The following HEPHL1 variants were observed in gnomAD, a reference collection of about 807,000 sequenced individuals.
HEPHL1 encodes ferroxidase HEPHL1.
Under a neutral mutation model 122.0 loss-of-function variants are expected in HEPHL1, and 123 were observed. The ratio of observed to expected loss-of-function variants is 1.01; its 90% CI spans 0.87 to 1.17. The LOEUF (loss-of-function observed/expected upper bound fraction) is 1.17. Ranked by LOEUF, HEPHL1 falls within the 50% of genes most tolerant of loss-of-function variation. The pLI is 0.00. For synonymous variants in HEPHL1, 527 were observed against 508.9 expected, an observed-to-expected ratio of 1.04 and a Z score of -0.48; for missense variants, 1,452 against 1,430.5, an observed-to-expected ratio of 1.01 and a Z score of -0.24.
chr11:94,085,148 C>T (rs1946206029), intron 10 of HEPHL1, among the ~76,000 whole-genome samples: 1 of 152,152 alleles, frequency 6.6e-6, no homozygotes, highest in South Asian at 2.1e-4. Flanking sequence ...ATTTACCAGT[C>T]AGACATTGCG....
intron 10 of HEPHL1, among the ~76,000 whole-genome samples, chr11:94,084,801 G>GGT (rs1191421039): frequency 6.6e-6 from 1 of 151,806 alleles, no homozygotes; most frequent in African/African-American, 2.4e-5. Context: ...CATAAAATGT[G>GGT]GTGTCCTTCT....
In HEPHL1 at chr11:94,096,095, G is replaced by GC. The variant is rs1946310078; in HGVS notation, c.2434+2457dup. On this transcript the variant is annotated intron_variant, in intron 13 of 19. Transcript: ENST00000315765. ...GTGAGAGAGGGCATCCCTGTCTTGT[G>GC]CCAGTTTTCAAAGGGAATGCTTCCA... 2.0e-5 allele frequency among the ~76,000 whole-genome samples: 3 copies of GC among 152,272 alleles called. No homozygotes were observed. In the South Asian group the frequency reaches 6.2e-4, roughly 32 times the overall value.
chr11:94,084,611 T>G (rs1946200590), intron 10 of HEPHL1, among the ~76,000 whole-genome samples: 1 of 152,162 alleles, frequency 6.6e-6, no homozygotes, highest in Admixed American at 6.5e-5. Context: ...AAAGAATGGA[T>G]GAGTGACTGT....
intron 11 of HEPHL1, 107 bp downstream of exon 11, chr11:94,086,296 T>A: frequency 1.3e-6 from 1 of 781,766 alleles, no homozygotes; most frequent in South Asian, 1.6e-5. Flanking sequence ...CTTCAAGTGG[T>A]GTAGAAATAG....
At position 94,063,728 on chromosome 11, in the gene HEPHL1, G is replaced by A. The variant is rs1243163286; in HGVS notation, c.628+8G>A. On this transcript the variant is annotated splice_region_variant and intron_variant, in intron 3 of 19. Transcript: ENST00000315765. ...TGCTGGTCTGCAAGGAAGGTAAGGA[G>A]CTTTGTTTCCAGGTAACTAGGGAGT... 6.2e-7 allele frequency: 1 copy of A among 1,611,426 alleles called. No individual in the cohort carries two copies. The highest frequency in any genetic ancestry group is 8.5e-7 in the Non-Finnish European group (1 of 1,178,146).
In HEPHL1 at chr11:94,069,843, A is replaced by AT. The variant is rs970071634; in HGVS notation, c.1064-524dup. Among the ~76,000 whole-genome samples, 39 of 152,232 alleles carry AT rather than the reference A, an allele frequency of 2.6e-4. 1 individual carries two copies. Among genetic ancestry groups the AT allele is most frequent in the Admixed American group, 2.2e-3 (34 of 15,268 alleles). Reference sequence around the variant, plus strand: ...TAGAATTTCTGGGTCAAAGAGTATGATTTTTTTAAAAAAGCTATGGACATA... The same window carrying AT: ...TAGAATTTCTGGGTCAAAGAGTATGATTTTTTTTAAAAAAGCTATGGACATA... On this transcript the variant is annotated intron_variant, in intron 5 of 19. Coordinates refer to ENST00000315765, the MANE Select transcript of HEPHL1 (RefSeq NM_001098672.2).
At chr11:94,037,234 G>A (rs1235181390) in intron 1 of HEPHL1, among the ~76,000 whole-genome samples, 14 of 152,112 alleles carry the variant, frequency 9.2e-5, no homozygotes, top group Admixed American at 2.0e-4. Flanking sequence ...ACGGAGTCTC[G>A]CTGATTGCTA....
chr11:94,075,054 A>G, intron 8 of HEPHL1, 120 bp from the exon 9 acceptor site: 2 of 763,574 alleles, frequency 2.6e-6, no homozygotes. Flanking sequence ...AGAGAAAACC[A>G]CTCTCCTGGT....
intron 12 of HEPHL1, among the ~76,000 whole-genome samples, chr11:94,091,816 G>A (rs1946265320): frequency 6.6e-6 from 1 of 152,154 alleles, no homozygotes; most frequent in Non-Finnish European, 1.5e-5. Flanking sequence ...GTTCGTGGCA[G>A]AGGGAACAAC....
intron 2 of HEPHL1, chr11:94,055,698 C>G: frequency 5.2e-6 from 2 of 384,266 alleles, no homozygotes; most frequent in Non-Finnish European, 5.1e-6. Flanking sequence ...AGACAATGCA[C>G]TCTGTGATCT....
In HEPHL1 at chr11:94,060,095, TATATATATATATATATATATATATA is replaced by T. The variant is rs1945972864; in HGVS notation, c.416-3412_416-3388del. On this transcript the variant is annotated intron_variant, in intron 2 of 19. Transcript: ENST00000315765. Reference sequence around the variant, plus strand: ...AATACCACTCAGTCATATTTTATTATATATATATATATATATATATATATATATATATATATATATATATATATAT... The same window carrying T: ...AATACCACTCAGTCATATTTTATTATTATATATATATATATATATATATAT... 1.7e-3 allele frequency among the ~76,000 whole-genome samples: 236 copies of T among 135,948 alleles called. 9 individuals are homozygous for T. The highest frequency in any genetic ancestry group is 4.8e-3 in the South Asian group (21 of 4,340). The allele number at this position is 135,948 out of a possible 152,430, so 89.2% of individuals were successfully genotyped here.
Position 94,093,129 on chromosome 11 carries a change from TGATGA to T in HEPHL1, c.2295-371_2295-367del, listed in dbSNP as rs879407973. On this transcript the variant is annotated intron_variant, in intron 12 of 19. Transcript: ENST00000315765. ...GTGTGTGTGTGTGTGTGTGTGTGTG[TGATGA>T]CACACACATGAAGATGCAAGTGTGT... Among the ~76,000 whole-genome samples, 414 of 140,814 alleles carry T rather than the reference TGATGA, an allele frequency of 2.9e-3. 3 individuals are homozygous for T. The highest frequency in any genetic ancestry group is 0.014 in the South Asian group (63 of 4,502). 92.4% of individuals were successfully genotyped at this position (140,814 alleles called of 152,430 possible).
Position 94,080,476 on chromosome 11 carries a change from A to G in HEPHL1, c.1717-1942A>G, listed in dbSNP as rs555864988. On this transcript the variant is annotated intron_variant, in intron 9 of 19. Transcript: ENST00000315765. ...TCTAATTAAACTAAAGAGCTTCTGC[A>G]CAGCAAAATAAACCATCATCAGAGT... Among the ~76,000 whole-genome samples, 8 of 152,388 alleles carry G rather than the reference A, an allele frequency of 5.2e-5. No individual in the cohort carries two copies. In the East Asian group the frequency reaches 1.5e-3, roughly 29 times the overall value.
rs1005475191 is a variant in HEPHL1 at position 94,042,641 on chromosome 11, C to T, written c.171-3032C>T. 8.1e-5 allele frequency among the ~76,000 whole-genome samples: 12 copies of T among 147,672 alleles called. 1 individual carries two copies. The South Asian group carries it at 1.9e-3, about 24-fold the overall frequency. ...ATCGCGAGAACAAAAAATCAAACAC[C>T]GCATATTCTCACTCATAGGTGGGAA... On this transcript the variant is annotated intron_variant, in intron 1 of 19. Coordinates refer to ENST00000315765, the MANE Select transcript of HEPHL1 (RefSeq NM_001098672.2).
At chr11:94,047,201 A>G (rs1420604527) in intron 2 of HEPHL1, among the ~76,000 whole-genome samples, 1 of 152,198 alleles carries the variant, frequency 6.6e-6, no homozygotes, top group African/African-American at 2.4e-5. Flanking sequence ...TTTCTTTAAT[A>G]TAGTTTTTTT....
intron 8 of HEPHL1, 57 bp from the exon 9 acceptor site, chr11:94,075,117 G>T: frequency 1.4e-6 from 2 of 1,476,096 alleles, no homozygotes; most frequent in South Asian, 2.4e-5. Flanking sequence ...GACCCAGTCT[G>T]ACCAATGTAA....
Position 94,102,820 on chromosome 11 carries a change from A to G in HEPHL1, c.2576-94A>G, listed in dbSNP as rs115057873. 1,065 of 654,924 alleles carry G rather than the reference A, an allele frequency of 1.6e-3. 15 individuals are homozygous for G. The African/African-American group carries it at 0.018, about 11-fold the overall frequency. 40.6% of individuals were successfully genotyped at this position (654,924 alleles called of 1,614,324 possible). Reference sequence around the variant, plus strand: ...TAATTCTCTCCAGCAATAAACATTAATGAAAATATATAAAGACCTGCTTAT... The same window carrying G: ...TAATTCTCTCCAGCAATAAACATTAGTGAAAATATATAAAGACCTGCTTAT... On this transcript the variant is annotated intron_variant, in intron 14 of 19. Coordinates refer to ENST00000315765, the MANE Select transcript of HEPHL1 (RefSeq NM_001098672.2).
At chr11:94,097,699 TC>T (rs199812400) in intron 13 of HEPHL1, among the ~76,000 whole-genome samples, 3,689 of 152,302 alleles carry the variant, frequency 0.024, 154 homozygotes, top group African/African-American at 0.085. Context: ...ATCTGGGTGC[TC>T]CTGTATTGGG....
At chr11:94,111,457 G>C (rs757653994) in intron 18 of HEPHL1, 80 bp from the exon 19 acceptor site, 4 of 1,108,660 alleles carry the variant, frequency 3.6e-6, no homozygotes, top group Non-Finnish European at 4.0e-6. Context: ...AGTCCTCGCT[G>C]GTGAAATGAA....
Sources: gnomAD v4.1 joint callset for allele counts (sites outside exome capture counted in the v4.1 genomes callset) on GRCh38, gnomAD v4.1.1 for gene constraint, MANE v1.5 for transcripts, NCBI Gene and HGNC (gene_info 2026-07-23, HGNC 2026-07-21) for gene names.